Variants in TJP2 observed in about 807,000 individuals in gnomAD.
TJP2 encodes the protein Friedreich ataxia region gene X104 (tight junction protein ZO-2).
In TJP2, 91 loss-of-function variants were observed where a neutral mutation model predicts 133.1. The observed-to-expected ratio is 0.68, with a 90% CI of 0.58 to 0.81. TJP2 has a LOEUF of 0.81. TJP2 is among the 40% of genes least tolerant of loss of function. The pLI is 0.00. For missense variants in TJP2, 1,541 were observed against 1,565.6 expected (o/e 0.98, Z 0.26); for synonymous variants, 592 against 583.4 (o/e 1.01, Z -0.21).
intron 14 of TJP2, 65 bp from the exon 15 acceptor site, chr9:69,237,813 T>C (rs1202202002): frequency 6.7e-6 from 8 of 1,187,366 alleles, no homozygotes; most frequent in Non-Finnish European, 1.0e-5. Context: ...CATACAATAC[T>C]TTTACTGCTT....
At position 69,210,664 on chromosome 9, in the gene TJP2, G is replaced by A. The variant is rs116703114; in HGVS notation, c.61-1884G>A. Among the ~76,000 whole-genome samples the A allele has an allele frequency of 4.9e-3, 747 of 151,828 alleles. 13 individuals carry two copies. The highest frequency in any genetic ancestry group is 0.017 in the African/African-American group (724 of 41,432). ...GGCTGCTTGCGTCCCTGGCACCCCA[G>A]GCCCCATTCACCACCCAGTCCCAGG... On this transcript the variant is annotated intron_variant, in intron 1 of 22. Transcript: ENST00000377245.
chr9:69,254,888 T>C lies in TJP2; in HGVS notation c.*514T>C. ...TTTGAAGCTTTAGGCAGAGCCATAA[T>C]GGACTAAAACATTTTGACTAAGTTT... is the stretch of plus-strand genomic sequence containing the variant. On this transcript the variant is annotated 3_prime_UTR_variant, in exon 23 of 23. Coordinates refer to ENST00000377245, the MANE Select transcript of TJP2 (RefSeq NM_004817.4). The C allele has an allele frequency of 4.9e-6, 2 of 405,758 alleles. No individual in the cohort carries two copies. Among genetic ancestry groups the C allele is most frequent in the Non-Finnish European group, 4.4e-6 (1 of 229,346 alleles). 25.1% of individuals were successfully genotyped at this position (405,758 alleles called of 1,614,324 possible). A position where few individuals can be genotyped will look rare whatever the true frequency, so the allele number is the denominator to read the frequency against.
rs757142150 is a variant in TJP2 at position 69,249,473 on chromosome 9, A to T, written c.2979A>T (p.Pro993=). The change falls in exon 20 of 23, where the codon CCA becomes CCT. Residue 993 remains proline (P), a synonymous_variant. Transcript: ENST00000377245. ...RDNSPPPAFK[P]EPPKAKTQNK... ...ATAGCCCGCCCCCAGCATTCAAGCC[A>T]GAGCCGCCCAAGGTACGTGGCTGGG... 8.7e-6 allele frequency: 14 copies of T among 1,606,088 alleles called. No homozygotes were observed. In the East Asian group the frequency reaches 3.1e-4, roughly 36 times the overall value.
intron 1 of TJP2, 54 bp downstream of exon 1, chr9:69,174,486 G>C: frequency 6.6e-7 from 1 of 1,510,254 alleles, no homozygotes; most frequent in Non-Finnish European, 9.0e-7. Flanking sequence ...GCGTGAGCGT[G>C]GGAGCGCTGG....
chr9:69,151,338 G>A (rs574714165), intron 1 of TJP2, among the ~76,000 whole-genome samples: 5 of 152,194 alleles, frequency 3.3e-5, no homozygotes, highest in South Asian at 4.1e-4. Context: ...AAAATTAGCC[G>A]GGCGTGGTGG....
At chr9:69,150,226 C>T (rs913341297) in intron 1 of TJP2, among the ~76,000 whole-genome samples, 1 of 151,874 alleles carries the variant, frequency 6.6e-6, no homozygotes, top group Non-Finnish European at 1.5e-5. Flanking sequence ...AATGTTTTCT[C>T]TGTAGTATAC....
At chr9:69,135,759 T>C (rs1039004624) in intron 1 of TJP2, among the ~76,000 whole-genome samples, 3 of 152,068 alleles carry the variant, frequency 2.0e-5, no homozygotes, top group Non-Finnish European at 4.4e-5. Context: ...GCTCGCGCCA[T>C]CACGCCCAGC....
At chr9:69,189,633 C>CT (rs57985835) in intron 1 of TJP2, among the ~76,000 whole-genome samples, 44,367 of 61,070 alleles carry the variant, frequency 0.73, 19,281 homozygotes, top group East Asian at 0.88. Flanking sequence ...GGAGACTCCA[C>CT]TTTTTTTTTT....
intron 5 of TJP2, among the ~76,000 whole-genome samples, chr9:69,223,059 ACT>A (rs1829014283): frequency 1.2e-5 from 1 of 84,694 alleles, no homozygotes; most frequent in Non-Finnish European, 2.2e-5. Flanking sequence ...ACAGAGCGAG[ACT>A]CTGTCTTGAA....
chr9:69,232,789 G>GA (rs1829885445), intron 11 of TJP2, among the ~76,000 whole-genome samples: 1 of 152,094 alleles, frequency 6.6e-6, no homozygotes. Context: ...ATGGAAAAGA[G>GA]AAAAAAGACT....
At chr9:69,229,063 T>C (rs1010413471) in intron 9 of TJP2, 121 bp from the exon 10 acceptor site, 9 of 913,618 alleles carry the variant, frequency 9.9e-6, no homozygotes, top group South Asian at 6.6e-5. Flanking sequence ...GAGACTTCTT[T>C]TTGTTTGTGG....
intron 7 of TJP2, among the ~76,000 whole-genome samples, chr9:69,227,357 T>G (rs1829429492): frequency 6.6e-6 from 1 of 152,144 alleles, no homozygotes; most frequent in Non-Finnish European, 1.5e-5. Flanking sequence ...GGTAACTGGA[T>G]AGAATTGCAG....
At chr9:69,199,561 C>T (rs559572033) in intron 1 of TJP2, among the ~76,000 whole-genome samples, 14 of 152,224 alleles carry the variant, frequency 9.2e-5, no homozygotes, top group African/African-American at 2.9e-4. Flanking sequence ...CATGCACGTA[C>T]GCACGCACCA....
intron 11 of TJP2, among the ~76,000 whole-genome samples, chr9:69,234,161 G>C (rs533035064): frequency 6.6e-6 from 1 of 152,288 alleles, no homozygotes; most frequent in Admixed American, 6.5e-5. Context: ...TCTGGTGACA[G>C]ATCCTTGCTT....
At chr9:69,180,505 A>G (rs975930916) in intron 1 of TJP2, among the ~76,000 whole-genome samples, 3 of 152,128 alleles carry the variant, frequency 2.0e-5, no homozygotes, top group African/African-American at 7.2e-5. Flanking sequence ...TCAGAGTATT[A>G]AAGGAAGTGT....
intron 12 of TJP2, 75 bp from the exon 13 acceptor site, chr9:69,235,953 G>T (rs1427708229): frequency 1.5e-6 from 2 of 1,374,532 alleles, no homozygotes; most frequent in South Asian, 1.2e-5. Flanking sequence ...TCAGAGATAG[G>T]AGAAGCTGTG....
At chr9:69,194,149 C>A (rs1826391204) in intron 1 of TJP2, among the ~76,000 whole-genome samples, 1 of 152,186 alleles carries the variant, frequency 6.6e-6, no homozygotes, top group Non-Finnish European at 1.5e-5. Context: ...AAGGAATTCA[C>A]AGTCTTCCTC....
chr9:69,174,408 G>C lies in TJP2; in HGVS notation c.36G>C (p.Arg12=). ...PVRGDRGFPP[R]RELSGWLRAP... ...GAGGAGACCGCGGGTTTCCACCCCG[G>C]CGGGAGCTGTCAGGTTGGCTCCGCG... is the stretch of plus-strand genomic sequence containing the variant. The change falls in exon 1 of 23, where the codon CGG becomes CGC. Residue 12 remains arginine (R), a synonymous_variant. Coordinates refer to ENST00000377245, the MANE Select transcript of TJP2 (RefSeq NM_004817.4). 2 of 1,551,908 alleles carry C rather than the reference G, an allele frequency of 1.3e-6. No homozygotes were observed. The highest frequency in any genetic ancestry group is 1.7e-6 in the Non-Finnish European group (2 of 1,147,156).
At chr9:69,182,682 C>A (rs1406553068) in intron 1 of TJP2, among the ~76,000 whole-genome samples, 1 of 151,536 alleles carries the variant, frequency 6.6e-6, no homozygotes, top group African/African-American at 2.4e-5. Flanking sequence ...TACAAGTCTG[C>A]TTATTGATAA....
Sources: gnomAD v4.1 joint callset for allele counts (sites outside exome capture counted in the v4.1 genomes callset) on GRCh38, gnomAD v4.1.1 for gene constraint, MANE v1.5 for transcripts, NCBI Gene and HGNC (gene_info 2026-07-23, HGNC 2026-07-21) for gene names.